Variants in TUSC3 observed in about 807,000 individuals in gnomAD.
TUSC3 encodes the protein dolichyl-diphosphooligosaccharide--protein glycosyltransferase subunit TUSC3.
A neutral mutation model predicts 44.8 loss-of-function variants in TUSC3; 45 were observed. The ratio of observed to expected loss-of-function variants is 1.00; its 90% CI spans 0.79 to 1.29. The LOEUF is 1.29. Among genes scored for constraint, TUSC3 ranks in the 50% most tolerant of loss-of-function variants. TUSC3 has a pLI of 0.00. For missense variants in TUSC3, 519 were observed against 437.9 expected, an observed-to-expected ratio of 1.19 and a Z score of -1.65; for synonymous variants, 212 against 152.9, an observed-to-expected ratio of 1.39 and a Z score of -2.85.
intron 1 of TUSC3, among the ~76,000 whole-genome samples, chr8:15,461,101 G>A (rs1246632808): frequency 6.6e-6 from 1 of 152,100 alleles, no homozygotes; most frequent in Non-Finnish European, 1.5e-5. Context: ...TGCATTGAAT[G>A]TGTAGATTGC....
At chr8:15,560,261 G>A (rs977267511) in intron 1 of TUSC3, among the ~76,000 whole-genome samples, 8 of 145,896 alleles carry the variant, frequency 5.5e-5, no homozygotes, top group African/African-American at 2.0e-4. Context: ...CTTCACTTAT[G>A]AAGCTTAGTT....
chr8:15,532,875 C>G (rs1002340762), intron 2 of TUSC3, among the ~76,000 whole-genome samples: 4 of 152,144 alleles, frequency 2.6e-5, no homozygotes, highest in Admixed American at 1.3e-4. Flanking sequence ...TCACTGCAAC[C>G]TCCACCTCCC....
intron 1 of TUSC3, among the ~76,000 whole-genome samples, chr8:15,596,166 T>C (rs941348655): frequency 2.0e-5 from 3 of 152,232 alleles, no homozygotes; most frequent in Non-Finnish European, 2.9e-5. Flanking sequence ...CAAGTTCTAA[T>C]TGGGAACATA....
At chr8:15,636,052 A>G in intron 2 of TUSC3, among the ~76,000 whole-genome samples, 1 of 152,326 alleles carries the variant, frequency 6.6e-6, no homozygotes, top group Non-Finnish European at 1.5e-5. Context: ...CAGTCAGTAC[A>G]AATGTGGGAA....
chr8:15,831,210 C>G, the TUSC3 span, among the ~76,000 whole-genome samples: 17 of 152,168 alleles, frequency 1.1e-4, no homozygotes, highest in Non-Finnish European at 2.1e-4. Flanking sequence ...TAAAATCTTC[C>G]AGAAGTGAAG....
chr8:15,785,128 A>T, the TUSC3 span, among the ~76,000 whole-genome samples: 2 of 152,170 alleles, frequency 1.3e-5, no homozygotes, highest in Non-Finnish European at 2.9e-5. Context: ...GGTACAGTGC[A>T]CACTGCTTGG....
intron 5 of TUSC3, among the ~76,000 whole-genome samples, chr8:15,671,318 T>C (rs529813641): frequency 1.6e-4 from 24 of 152,086 alleles, no homozygotes; most frequent in African/African-American, 5.8e-4. Flanking sequence ...TGTATGAATA[T>C]AGTTAAATAA....
At chr8:15,602,289 A>G (rs1253049536) in intron 1 of TUSC3, among the ~76,000 whole-genome samples, 1 of 151,590 alleles carries the variant, frequency 6.6e-6, no homozygotes, top group Non-Finnish European at 1.5e-5. Context: ...ATGCAGAACT[A>G]TTTAGCTTTT....
At chr8:15,716,942 A>T (rs544682252) in intron 6 of TUSC3, among the ~76,000 whole-genome samples, 1 of 152,240 alleles carries the variant, frequency 6.6e-6, no homozygotes, top group South Asian at 2.1e-4. Context: ...CTCTGAATTA[A>T]AATCCCTGAA....
At chr8:15,681,107 G>C (rs1485318444) in intron 6 of TUSC3, among the ~76,000 whole-genome samples, 1 of 150,600 alleles carries the variant, frequency 6.6e-6, no homozygotes, top group Non-Finnish European at 1.5e-5. Context: ...GAACGTGTTA[G>C]GGAGGATTCC....
intron 1 of TUSC3, among the ~76,000 whole-genome samples, chr8:15,473,987 T>C (rs1367622249): frequency 2.0e-5 from 3 of 152,148 alleles, no homozygotes; most frequent in Non-Finnish European, 4.4e-5. Context: ...TTGGTCCTTA[T>C]CTCAACCACT....
the TUSC3 span, among the ~76,000 whole-genome samples, chr8:15,778,755 C>T: frequency 6.6e-6 from 1 of 152,008 alleles, no homozygotes; most frequent in Non-Finnish European, 1.5e-5. Context: ...TATTACTGGC[C>T]ACAAAAGGAA....
Position 15,765,814 on chromosome 8 carries a change from T to G in TUSC3, c.*1658T>G, listed in dbSNP as rs1277708129. ...TAGGCAGAACTTGACCTGTAATTCT[T>G]AATCCATTGTAGATTTTTTACATTT... On this transcript the variant is annotated 3_prime_UTR_variant, in exon 11 of 11. Coordinates refer to ENST00000503731, the MANE Select transcript of TUSC3 (RefSeq NM_006765.4). The G allele has an allele frequency of 2.0e-5, 3 of 152,078 alleles. No homozygotes were observed. The highest frequency in any genetic ancestry group is 2.0e-4 in the Admixed American group (3 of 15,248). 9.4% of individuals were successfully genotyped at this position (152,078 alleles called of 1,614,324 possible).
intron 5 of TUSC3, among the ~76,000 whole-genome samples, chr8:15,663,550 C>T (rs550608455): frequency 1.2e-4 from 18 of 151,940 alleles, no homozygotes; most frequent in African/African-American, 4.3e-4. Context: ...TGCAGTAATA[C>T]CTAGAGCTTA....
chr8:15,699,189 A>G (rs1326204967), intron 6 of TUSC3, among the ~76,000 whole-genome samples: 2 of 152,200 alleles, frequency 1.3e-5, no homozygotes, highest in Non-Finnish European at 2.9e-5. Flanking sequence ...TTAAAAATAC[A>G]CTGTAAATAT....
the TUSC3 span, among the ~76,000 whole-genome samples, chr8:15,784,246 G>A: frequency 6.6e-6 from 1 of 152,160 alleles, no homozygotes; most frequent in Non-Finnish European, 1.5e-5. Context: ...AGTATCTGCT[G>A]AGAATGTACA....
chr8:15,776,868 G>A, the TUSC3 span, among the ~76,000 whole-genome samples: 1 of 152,060 alleles, frequency 6.6e-6, no homozygotes, highest in Non-Finnish European at 1.5e-5. Context: ...GAAAGAAACA[G>A]GGTAACATGA....
chr8:15,806,435 A>T, the TUSC3 span: 1 of 796,358 alleles, frequency 1.3e-6, no homozygotes, highest in East Asian at 2.5e-5. Flanking sequence ...ACCAGAGAAA[A>T]AAATCACACA....
chr8:15,740,922 G>A (rs552297925), intron 7 of TUSC3, among the ~76,000 whole-genome samples: 9 of 152,176 alleles, frequency 5.9e-5, no homozygotes, highest in South Asian at 4.1e-4. Context: ...ATACTCTTAC[G>A]AAAATGTACG....
Sources: allele counts gnomAD v4.1 joint callset (sites outside exome capture counted in the v4.1 genomes callset), GRCh38; gene constraint gnomAD v4.1.1; transcripts MANE v1.5; gene names NCBI Gene and HGNC (gene_info 2026-07-23, HGNC 2026-07-21).